The following DENND6B variants were observed in gnomAD, a reference collection of about 807,000 sequenced individuals.
DENND6B encodes protein DENND6B.
DENND6B carries 73 observed loss-of-function variants against 85.1 expected under a neutral mutation model. The ratio of observed to expected loss-of-function variants is 0.86; its 90% CI spans 0.71 to 1.04. The LOEUF (loss-of-function observed/expected upper bound fraction) is 1.04. DENND6B is among the 50% of genes least tolerant of loss of function. The pLI is 0.00. For missense variants in DENND6B, 715 were observed against 785.8 expected (o/e 0.91, Z 1.08); for synonymous variants, 357 against 329.3 (o/e 1.08, Z -0.91).
chr22:50,318,983 G>T lies in DENND6B; in HGVS notation c.198C>A (p.Phe66Leu). The T allele has an allele frequency of 6.2e-7, 1 of 1,603,588 alleles. No homozygotes were observed. The highest frequency in any genetic ancestry group is 8.5e-7 in the Non-Finnish European group (1 of 1,175,284). Residue 66 changes from phenylalanine to leucine, a missense_variant, in exon 2 of 20, where the codon TTC becomes TTA. Transcript: ENST00000413817. ...GACTCACCTCCTTGTCTGTGAGCCG[G>T]AAGTCGTTCGGATACACCAGCTGCA... ...QALELVYPND[F>L]RLTDKEKSSI...
At chr22:50,314,537 G>T (rs892523107) in intron 11 of DENND6B, 43 bp from the exon 12 acceptor site, 1 of 1,553,904 alleles carries the variant, frequency 6.4e-7, no homozygotes, top group African/African-American at 1.4e-5. Context: ...CAGAGGTCCA[G>T]GGAGGTGCAG....
chr22:50,312,931 G>C (rs570248575), intron 17 of DENND6B, 68 bp downstream of exon 17: 1 of 1,360,964 alleles, frequency 7.3e-7, no homozygotes, highest in South Asian at 1.3e-5. Context: ...ATTGACAGGC[G>C]GGGGGCCATG....
Position 50,313,612 on chromosome 22 carries a change from T to C in DENND6B, c.1293+23A>G, listed in dbSNP as rs1477597656. ...CCCAGCCCCGTGCCCCCCAGTCCCA[T>C]GTCCCCCAGCCCCGGGCCTCACCAG... On this transcript the variant is annotated intron_variant, in intron 15 of 19. Coordinates refer to ENST00000413817, the MANE Select transcript of DENND6B (RefSeq NM_001001794.4). 4 of 1,100,516 alleles carry C rather than the reference T, an allele frequency of 3.6e-6. No individual in the cohort carries two copies. In the East Asian group the frequency reaches 3.3e-4, roughly 90 times the overall value. 68.2% of individuals were successfully genotyped at this position (1,100,516 alleles called of 1,614,324 possible). A position where few individuals can be genotyped will look rare whatever the true frequency, so the allele number is the denominator to read the frequency against.
chr22:50,315,136 T>C (rs1447103090), intron 9 of DENND6B: 1 of 696,832 alleles, frequency 1.4e-6, no homozygotes, highest in Non-Finnish European at 2.3e-6. Flanking sequence ...GCCCTGGGAA[T>C]GGGGGACTCA....
At position 50,313,417 on chromosome 22, in the gene DENND6B, A is replaced by G. The variant is rs751441599; in HGVS notation, c.1347+29T>C. 7.2e-6 allele frequency: 11 copies of G among 1,537,450 alleles called. No individual in the cohort carries two copies. The South Asian group carries it at 1.2e-4, about 17-fold the overall frequency. On this transcript the variant is annotated intron_variant, in intron 16 of 19. Transcript: ENST00000413817. ...GAGGAAGGGAACCCGCCCTCCATGG[A>G]CCCCACAAAACCCCCACAGGACCCC...
chr22:50,326,834 A>G lies in DENND6B; in HGVS notation c.155T>C (p.Leu52Pro). The G allele has an allele frequency of 7.7e-6, 11 of 1,435,166 alleles. No homozygotes were observed. Among genetic ancestry groups the G allele is most frequent in the Non-Finnish European group, 1.0e-5 (11 of 1,099,122 alleles). The allele number at this position is 1,435,166 out of a possible 1,614,324, so 88.9% of individuals were successfully genotyped here. A position where few individuals can be genotyped will look rare whatever the true frequency, so the allele number is the denominator to read the frequency against. Reference sequence around the variant, plus strand: ...CACCTCCAGCGCCTGGCCCAGCTCCAGGTCGAAGGTGACCACGCACACACA... The same window carrying G: ...CACCTCCAGCGCCTGGCCCAGCTCCGGGTCGAAGGTGACCACGCACACACA... ...LECVCVVTFD[L>P]ELGQALELVY... The change falls in exon 1 of 20, where the codon CTG (leucine) becomes CCG (proline). Residue 52 changes from leucine to proline, a missense_variant. Transcript: ENST00000413817.
intron 9 of DENND6B, among the ~76,000 whole-genome samples, chr22:50,315,247 C>T (rs35759545): frequency 0.32 from 49,305 of 152,004 alleles, 8,251 homozygotes; most frequent in South Asian, 0.53. Flanking sequence ...AGACCCCTCC[C>T]GTCACCCTGT....
Position 50,314,446 on chromosome 22 carries a change from G to C in DENND6B, c.1026C>G (p.Leu342=). 1 of 1,565,184 alleles carries C rather than the reference G, an allele frequency of 6.4e-7. No homozygotes were observed. The highest frequency in any genetic ancestry group is 1.4e-5 in the African/African-American group (1 of 73,938). The change falls in exon 12 of 20, where the codon CTC becomes CTG. Residue 342 remains leucine, a synonymous_variant. Transcript: ENST00000413817. ...CTCGGAGGATGTGGGGCCAGTGCTGGAGTGTTTTGATAAAGAAAGGGTTTG... is the reference window on the plus strand; with the variant it reads ...CTCGGAGGATGTGGGGCCAGTGCTGCAGTGTTTTGATAAAGAAAGGGTTTG... ...GVTNPFFIKT[L]QHWPHILRVG... is the part of the protein sequence containing the mutation.
intron 5 of DENND6B, chr22:50,317,091 G>A (rs867310107): frequency 2.7e-6 from 1 of 364,990 alleles, no homozygotes; most frequent in Non-Finnish European, 4.9e-6. Context: ...AGGACAGGGT[G>A]GGGGGGTGGC....
In DENND6B at chr22:50,312,566, G is replaced by A. The variant is rs897322208; in HGVS notation, c.1517C>T (p.Ala506Val). ...GWYRQRHKEMALKLEALHLEA... is the reference protein window; with the variant it reads ...GWYRQRHKEMVLKLEALHLEA... ...CAGGTGCAGGGCCTCCAGCTTCAGG[G>A]CCATCTCCTTGTGCCGCTGCCGGTA... is the stretch of plus-strand genomic sequence containing the variant. Residue 506 changes from alanine to valine, a missense_variant, in exon 18 of 20, where the codon GCC becomes GTC. Transcript: ENST00000413817. 13 of 1,596,094 alleles carry A rather than the reference G, an allele frequency of 8.1e-6. No homozygotes were observed. In the East Asian group the frequency reaches 3.0e-4, roughly 36 times the overall value.
intron 4 of DENND6B, 147 bp downstream of exon 4, chr22:50,317,761 G>T (rs771117319): frequency 9.0e-6 from 7 of 780,376 alleles, no homozygotes; most frequent in Non-Finnish European, 1.4e-5. Context: ...TGGTGCCTGG[G>T]ACTGCAGGGC....
chr22:50,316,058 G>C lies in DENND6B; in HGVS notation c.669C>G (p.Ser223=). 1 of 1,612,688 alleles carries C rather than the reference G, an allele frequency of 6.2e-7. No individual in the cohort carries two copies. The part of the protein sequence containing the change: ...QVRIPSRVDK[S]ESSPPKQFDQ... ...CAAACTGCTTCGGAGGACTGGACTC[G>C]GACTTGTCCACCCTGGATGGGATGC... The change falls in exon 8 of 20, where the codon TCC becomes TCG. Residue 223 remains serine (S), a synonymous_variant. Transcript: ENST00000413817.
At position 50,314,555 on chromosome 22, in the gene DENND6B, G is replaced by A. The variant is rs370803523; in HGVS notation, c.977+50C>T. ...AGGTCCAGGGAGGTGCAGGAAGGGC[G>A]AGAGGCAGGGCGGAGCAAGGGCAAG... On this transcript the variant is annotated intron_variant, in intron 11 of 19. Transcript: ENST00000413817. The A allele has an allele frequency of 8.2e-5, 127 of 1,554,218 alleles. 1 individual carries two copies. The South Asian group carries it at 9.8e-4, about 12-fold the overall frequency.
rs773433892 is a variant in DENND6B at position 50,312,222 on chromosome 22, T to C, written c.1675A>G (p.Thr559Ala). Residue 559 changes from threonine to alanine, a missense_variant, in exon 20 of 20, where the codon ACG becomes GCG. Thr to Ala is a moderately conservative substitution (Grantham distance 58, BLOSUM62 0). Coordinates refer to ENST00000413817, the MANE Select transcript of DENND6B (RefSeq NM_001001794.4). Reference sequence around the variant, plus strand: ...ATGTACAGCTGTGCCCGCTGCAGCGTAGCCTCCTTCACAGGGAGCTGGTGG... The same window carrying C: ...ATGTACAGCTGTGCCCGCTGCAGCGCAGCCTCCTTCACAGGGAGCTGGTGG... Reference protein sequence around the residue: ...QGHQLPVKEATLQRAQLYIET... With the variant: ...QGHQLPVKEAALQRAQLYIET... The C allele has an allele frequency of 8.7e-6, 14 of 1,612,208 alleles. No homozygotes were observed. In the East Asian group the frequency reaches 1.8e-4, roughly 21 times the overall value.
rs2068134962 is a variant in DENND6B at position 50,313,796 on chromosome 22, G to GC, written c.1203+17dup. The GC allele has an allele frequency of 6.2e-7, 1 of 1,611,388 alleles. No homozygotes were observed. The highest frequency in any genetic ancestry group is 8.5e-7 in the Non-Finnish European group (1 of 1,179,434). ...CAGGCTCCCTGCGTCCCCAGCCCCT[G>GC]CCCCACAAACCATATACCTTGAGCA... On this transcript the variant is annotated intron_variant, in intron 14 of 19. Coordinates refer to ENST00000413817, the MANE Select transcript of DENND6B (RefSeq NM_001001794.4).
chr22:50,312,549 G>C lies in DENND6B; in HGVS notation c.1534C>G (p.Leu512Val). Residue 512 changes from leucine (L) to valine (V), a missense_variant, in exon 18 of 20, where the codon CTG (leucine) becomes GTG (valine). By Grantham distance (32) the Leu-to-Val change is conservative. Coordinates refer to ENST00000413817, the MANE Select transcript of DENND6B (RefSeq NM_001001794.4). ...HKEMALKLEA[L>V]HLEAICEANI... ...GCCTCACAGATAGCCTCCAGGTGCAGGGCCTCCAGCTTCAGGGCCATCTCC... is the reference window on the plus strand; with the variant it reads ...GCCTCACAGATAGCCTCCAGGTGCACGGCCTCCAGCTTCAGGGCCATCTCC... 1.3e-6 allele frequency: 2 copies of C among 1,595,554 alleles called. No homozygotes were observed. Among genetic ancestry groups the C allele is most frequent in the African/African-American group, 1.3e-5 (1 of 74,620 alleles).
Position 50,314,503 on chromosome 22 carries a change from A to T in DENND6B, c.978-9T>A, listed in dbSNP as rs909816461. On this transcript the variant is annotated splice_polypyrimidine_tract_variant and intron_variant, in intron 11 of 19. Transcript: ENST00000413817. The stretch of plus-strand genomic sequence containing the variant: ...CCAGGACCACGTTTGGTCTAGACAG[A>T]CAGAGAGAGAGAAGAGGCAGAGACA... The T allele has an allele frequency of 1.3e-5, 20 of 1,556,576 alleles. No individual in the cohort carries two copies. Among genetic ancestry groups the T allele is most frequent in the Non-Finnish European group, 1.7e-5 (19 of 1,149,580 alleles).
chr22:50,313,570 C>G, intron 15 of DENND6B, 65 bp downstream of exon 15: 2 of 1,231,170 alleles, frequency 1.6e-6, no homozygotes, highest in Non-Finnish European at 2.2e-6. Context: ...CAGCCCCGTC[C>G]CCCCCAACCC....
Position 50,309,565 on chromosome 22 carries a change from A to G in DENND6B, c.*2574T>C, listed in dbSNP as rs1284441068. On this transcript the variant is annotated 3_prime_UTR_variant, in exon 20 of 20. Coordinates refer to ENST00000413817, the MANE Select transcript of DENND6B (RefSeq NM_001001794.4). The stretch of plus-strand genomic sequence containing the variant: ...ACATTCCACCCCAGGCCTCTTCTGC[A>G]CAGGTGGGGACAGGCCCTGAGGAAG... 2 of 152,254 alleles carry G rather than the reference A, an allele frequency of 1.3e-5. No individual in the cohort carries two copies. Among genetic ancestry groups the G allele is most frequent in the Non-Finnish European group, 2.9e-5 (2 of 68,094 alleles). The allele number at this position is 152,254 out of a possible 1,614,324, so 9.4% of individuals were successfully genotyped here.
Sources: gnomAD v4.1 joint callset for allele counts (sites outside exome capture counted in the v4.1 genomes callset) on GRCh38, gnomAD v4.1.1 for gene constraint, MANE v1.5 for transcripts, NCBI Gene and HGNC (gene_info 2026-07-23, HGNC 2026-07-21) for gene names.